Variants in FRMPD4 observed in about 807,000 individuals in gnomAD.
The protein encoded by FRMPD4 is FERM and PDZ domain containing 4.
FRMPD4 carries 22 observed loss-of-function variants against 94.1 expected under a neutral mutation model. That is an observed-to-expected ratio of 0.23 (90% CI 0.17 to 0.33). The LOEUF (loss-of-function observed/expected upper bound fraction) is 0.33. FRMPD4 is among the 10% of genes least tolerant of loss of function. FRMPD4 has a pLI of 1.00. For missense variants in FRMPD4, 1,111 were observed against 1,339.9 expected (o/e 0.83, Z 2.67); for synonymous variants, 631 against 548.6 (o/e 1.15, Z -2.10).
Position 12,706,862 on chromosome X carries a change from T to C in FRMPD4, c.1234T>C (p.Phe412Leu), listed in dbSNP as rs939015475. 6 of 1,182,220 alleles carry C rather than the reference T, an allele frequency of 5.1e-6. No homozygotes were observed. Among genetic ancestry groups the C allele is most frequent in the Non-Finnish European group, 5.7e-6 (5 of 870,805 alleles). ...ACAAGCCAAGGTCCATTATCTCAAG[T>C]TCCTCAGTGACCTACGATTGTATGG... is the stretch of plus-strand genomic sequence containing the variant. ...ALQAKVHYLKFLSDLRLYGGR... is the reference protein window; with the variant it reads ...ALQAKVHYLKLLSDLRLYGGR... The change falls in exon 12 of 17, where the codon TTC (phenylalanine) becomes CTC (leucine). Residue 412 changes from phenylalanine to leucine, a missense_variant. This residue lies in a region of FRMPD4 where 111 missense variants were observed against 160.7 expected (regional missense o/e 0.69). Transcript: ENST00000675598.
intron 16 of FRMPD4, 67 bp from the exon 17 acceptor site, chrX:12,720,467 G>A: frequency 9.3e-7 from 1 of 1,077,360 alleles, no homozygotes; most frequent in Non-Finnish European, 1.3e-6. Flanking sequence ...ATGTAGAGAT[G>A]TAGTAAAAAT....
intron 1 of FRMPD4, among the ~76,000 whole-genome samples, chrX:12,205,166 A>T (rs1164065813): frequency 1.8e-5 from 2 of 109,774 alleles, no homozygotes; most frequent in Admixed American, 1.9e-4. Context: ...TTTGAAGCCC[A>T]TGAAGCCTGT....
At chrX:12,428,120 C>G (rs971284493) in intron 1 of FRMPD4, among the ~76,000 whole-genome samples, 7 of 109,007 alleles carry the variant, frequency 6.4e-5, no homozygotes, top group Non-Finnish European at 1.1e-4. Context: ...ACCGTGTTAG[C>G]CAGGATGGTC....
chrX:12,306,128 C>G (rs1462295274), intron 1 of FRMPD4, among the ~76,000 whole-genome samples: 11 of 107,841 alleles, frequency 1.0e-4, no homozygotes, highest in Non-Finnish European at 2.1e-4. Flanking sequence ...ACCCAGTAGA[C>G]GTTAGCTAAT....
chrX:11,838,950 A>G (rs2053517308), intron 1 of FRMPD4, among the ~76,000 whole-genome samples: 1 of 111,820 alleles, frequency 8.9e-6, no homozygotes, highest in South Asian at 3.7e-4. Flanking sequence ...ACATTCATAT[A>G]CAAGTGTTTA....
intron 2 of FRMPD4, among the ~76,000 whole-genome samples, chrX:11,865,617 G>A (rs776012552): frequency 1.8e-5 from 2 of 111,844 alleles, no homozygotes; most frequent in South Asian, 3.8e-4. Context: ...TATGGAAACC[G>A]AGGCATAGGG....
intron 2 of FRMPD4, among the ~76,000 whole-genome samples, chrX:12,600,162 A>G (rs2059072315): frequency 9.1e-6 from 1 of 110,181 alleles, no homozygotes; most frequent in African/African-American, 3.3e-5. Flanking sequence ...GCAGAAACAT[A>G]TGAAGAGGCA....
intron 1 of FRMPD4, among the ~76,000 whole-genome samples, chrX:11,846,840 A>G (rs1280369919): frequency 2.7e-5 from 3 of 111,083 alleles, no homozygotes; most frequent in South Asian, 3.8e-4. Flanking sequence ...GGAGAAAGCT[A>G]AAACTGGATC....
At chrX:12,574,718 G>A (rs953929674) in intron 2 of FRMPD4, among the ~76,000 whole-genome samples, 11 of 111,278 alleles carry the variant, frequency 9.9e-5, no homozygotes, top group African/African-American at 2.3e-4. Context: ...GGCTGGTCTC[G>A]AATTTCTAAG....
chrX:12,427,686 G>T (rs1221449682), intron 1 of FRMPD4, among the ~76,000 whole-genome samples: 2 of 110,748 alleles, frequency 1.8e-5, no homozygotes, highest in Non-Finnish European at 3.8e-5. Context: ...AAGGGCTTAT[G>T]ACCTCAAACC....
At chrX:12,472,898 T>C (rs1177348057) in intron 1 of FRMPD4, among the ~76,000 whole-genome samples, 1 of 107,933 alleles carries the variant, frequency 9.3e-6, no homozygotes, top group Non-Finnish European at 1.9e-5. Context: ...TGCAGGATAT[T>C]ATCCAGGAGA....
chrX:12,538,393 C>T (rs2058365480), intron 2 of FRMPD4, among the ~76,000 whole-genome samples: 1 of 111,568 alleles, frequency 9.0e-6, no homozygotes, highest in African/African-American at 3.3e-5. Context: ...GACTCCACCT[C>T]TGGGGGCAGG....
chrX:12,452,567 T>C (rs1314103833), intron 1 of FRMPD4, among the ~76,000 whole-genome samples: 1 of 112,198 alleles, frequency 8.9e-6, no homozygotes, highest in African/African-American at 3.2e-5. Context: ...ATTTCTCTCC[T>C]GCAAGGCCTA....
At chrX:12,666,705 G>A (rs1001413846) in intron 4 of FRMPD4, among the ~76,000 whole-genome samples, 1 of 111,666 alleles carries the variant, frequency 9.0e-6, no homozygotes, top group Non-Finnish European at 1.9e-5. Context: ...AATTAAGGCA[G>A]AAACAAGTTC....
rs147023962 is a variant in FRMPD4 at position 12,244,648 on chromosome X, T to C, written c.41+105636T>C. On this transcript the variant is annotated intron_variant, in intron 1 of 16. Coordinates refer to ENST00000675598, the MANE Select transcript of FRMPD4 (RefSeq NM_001368397.1). ...AAAGTCTAAAATATTTACTAAAAAA[T>C]TGGCTCTTTGGAGGAAAAGTTTACC... 9.8e-5 allele frequency among the ~76,000 whole-genome samples: 11 copies of C among 112,326 alleles called. No individual in the cohort carries two copies. In the East Asian group the frequency reaches 3.1e-3, roughly 31 times the overall value.
intron 3 of FRMPD4, among the ~76,000 whole-genome samples, chrX:11,996,172 T>A (rs2054495173): frequency 8.9e-6 from 1 of 111,983 alleles, no homozygotes; most frequent in African/African-American, 3.2e-5. Flanking sequence ...CATTAGGTAG[T>A]GCATTGATTT....
intron 3 of FRMPD4, among the ~76,000 whole-genome samples, chrX:11,954,254 A>G (rs1340666714): frequency 8.9e-6 from 1 of 112,657 alleles, no homozygotes; most frequent in Admixed American, 9.4e-5. Flanking sequence ...ACATGCAAAT[A>G]CATAACAGAG....
chrX:12,175,492 G>T (rs953464603), intron 1 of FRMPD4, among the ~76,000 whole-genome samples: 1 of 111,429 alleles, frequency 9.0e-6, no homozygotes, highest in East Asian at 2.8e-4. Flanking sequence ...CACCCCAGAT[G>T]CACTGAATCA....
chrX:12,013,824 C>T (rs761594353), intron 3 of FRMPD4, among the ~76,000 whole-genome samples: 11 of 112,890 alleles, frequency 9.7e-5, no homozygotes, highest in East Asian at 2.8e-4. Context: ...CAGTCACATC[C>T]GCCAACTTGG....
Sources: gnomAD v4.1 joint callset for allele counts (sites outside exome capture counted in the v4.1 genomes callset) on GRCh38, gnomAD v4.1.1 for gene constraint, gnomAD v4.1.1 regional missense constraint, MANE v1.5 for transcripts, NCBI Gene and HGNC (gene_info 2026-07-23, HGNC 2026-07-21) for gene names.